KAZN: variants seen among roughly 807,000 people sequenced by gnomAD.
The protein encoded by KAZN is kazrin, periplakin interacting protein, also known as kazrin.
A neutral mutation model predicts 87.4 loss-of-function variants in KAZN; 40 were observed. The ratio of observed to expected loss-of-function variants is 0.46; its 90% CI spans 0.36 to 0.60. The LOEUF (loss-of-function observed/expected upper bound fraction) is 0.60, where lower values mean the gene tolerates loss of function less well. Ranked by LOEUF, KAZN falls within the 20% of genes least tolerant of loss-of-function variation. KAZN has a pLI of 0.00. For synonymous variants in KAZN, 466 were observed against 458.3 expected, an observed-to-expected ratio of 1.02 and a Z score of -0.22; for missense variants, 898 against 1,073.9, an observed-to-expected ratio of 0.84 and a Z score of 2.29.
intron 2 of KAZN, among the ~76,000 whole-genome samples, chr1:14,506,522 G>A (rs746484735): frequency 2.0e-5 from 3 of 152,162 alleles, no homozygotes; most frequent in Non-Finnish European, 4.4e-5. Flanking sequence ...CAGTTCTGCT[G>A]CGCACTCACC....
At chr1:14,079,589 C>A (rs1392813920) in intron 1 of KAZN, among the ~76,000 whole-genome samples, 1 of 152,304 alleles carries the variant, frequency 6.6e-6, no homozygotes, top group Admixed American at 6.5e-5. Flanking sequence ...AATACCAGTA[C>A]TAAAACCAGA....
intron 1 of KAZN, among the ~76,000 whole-genome samples, chr1:14,888,287 CT>C (rs918281557): frequency 6.6e-6 from 1 of 152,206 alleles, no homozygotes. Flanking sequence ...CCCTCACCTG[CT>C]TTTTCTTCCA....
chr1:14,655,336 GCATTGGGTTA>G (rs1261849055), intron 1 of KAZN, among the ~76,000 whole-genome samples: 3 of 152,198 alleles, frequency 2.0e-5, no homozygotes, highest in Non-Finnish European at 4.4e-5. Flanking sequence ...AAGTCCCATG[GCATTGGGTTA>G]CATTGTAACT....
chr1:14,173,991 C>A (rs1646013893), intron 1 of KAZN, among the ~76,000 whole-genome samples: 1 of 152,226 alleles, frequency 6.6e-6, no homozygotes, highest in Non-Finnish European at 1.5e-5. Context: ...GGGTGACCAG[C>A]ATTGAATATT....
At chr1:14,685,328 C>T (rs1456320048) in intron 1 of KAZN, among the ~76,000 whole-genome samples, 3 of 152,164 alleles carry the variant, frequency 2.0e-5, no homozygotes, top group Non-Finnish European at 2.9e-5. Flanking sequence ...TCCCATCAGT[C>T]GTTGGTATGG....
rs1016095493 is a variant in KAZN at position 14,586,528 on chromosome 1, T to G, written c.250-12455T>G. Among the ~76,000 whole-genome samples, 5 of 149,236 alleles carry G rather than the reference T, an allele frequency of 3.4e-5. No homozygotes were observed. The East Asian group carries it at 9.7e-4, about 29-fold the overall frequency. ...AGCATGAACTTTTTTCTTTCTGGTT[T>G]TTTTTTTTTTTTTTTTTAGAGATAG... On this transcript the variant is annotated intron_variant, in intron 2 of 16. Coordinates refer to the KAZN transcript ENST00000636203.
intron 1 of KAZN, among the ~76,000 whole-genome samples, chr1:14,043,592 T>G (rs918443638): frequency 6.9e-6 from 1 of 144,014 alleles, no homozygotes; most frequent in African/African-American, 2.7e-5. Flanking sequence ...CTATACCCTC[T>G]CCAACACTTG....
intron 1 of KAZN, among the ~76,000 whole-genome samples, chr1:14,673,345 A>G (rs1253538893): frequency 1.3e-5 from 2 of 152,210 alleles, no homozygotes; most frequent in African/African-American, 4.8e-5. Context: ...AGCTTCTTGG[A>G]CACCCAGGTG....
chr1:14,361,279 TC>T (rs931654713), intron 2 of KAZN, among the ~76,000 whole-genome samples: 7 of 152,184 alleles, frequency 4.6e-5, no homozygotes, highest in African/African-American at 1.7e-4. Flanking sequence ...CAGACGCCTC[TC>T]CCCACACCAA....
At chr1:14,805,353 GGCAGTTTCTTTAAAT>G (rs1646174415) in intron 1 of KAZN, among the ~76,000 whole-genome samples, 1 of 152,146 alleles carries the variant, frequency 6.6e-6, no homozygotes, top group Admixed American at 6.6e-5. Context: ...GGGAGGTAGA[GGCAGTTTCTTTAAAT>G]GATGTGATCT....
At position 14,084,643 on chromosome 1, in the gene KAZN, T is replaced by C. The variant is rs76353748; in HGVS notation, c.92-95792T>C. 2.7e-3 allele frequency among the ~76,000 whole-genome samples: 407 copies of C among 149,704 alleles called. 3 individuals are homozygous for C. Among genetic ancestry groups the C allele is most frequent in the African/African-American group, 9.5e-3 (386 of 40,590 alleles). ...GAACCATTTACTTCAATCTGTAACT[T>C]TAAAAAAAAAGTAAAACCTAATTGG... On this transcript the variant is annotated intron_variant, in intron 1 of 16. Coordinates refer to the KAZN transcript ENST00000636203.
rs549961572 is a variant in KAZN at position 14,302,549 on chromosome 1, G to A, written c.249+121957G>A. The stretch of plus-strand genomic sequence containing the variant: ...TTGTCTAACATTCAGGAAACTCTAA[G>A]AATAAAGGTTAGATTCCAGGTGTAA... On this transcript the variant is annotated intron_variant, in intron 2 of 16. Transcript: ENST00000636203. Among the ~76,000 whole-genome samples the A allele has an allele frequency of 1.1e-4, 17 of 152,318 alleles. No individual in the cohort carries two copies. The South Asian group carries it at 3.5e-3, about 32-fold the overall frequency.
rs116531644 is a variant in KAZN, at chr1:14,018,886, C to T, written c.91+125130C>T. Among the ~76,000 whole-genome samples the T allele has an allele frequency of 6.5e-3, 995 of 152,236 alleles. 9 individuals are homozygous for T. Among genetic ancestry groups the T allele is most frequent in the African/African-American group, 0.021 (881 of 41,542 alleles). ...CTGAGGCTTTAGGACTTGAATTGAG[C>T]CATGCTACCAGCATCCCACACTCCA... On this transcript the variant is annotated intron_variant, in intron 1 of 16. Transcript: ENST00000636203.
At chr1:14,430,336 G>C (rs1337869165) in intron 2 of KAZN, among the ~76,000 whole-genome samples, 1 of 151,696 alleles carries the variant, frequency 6.6e-6, no homozygotes, top group Non-Finnish European at 1.5e-5. Flanking sequence ...TGCTAGATGA[G>C]AAGTTCCTCC....
At chr1:14,580,917 C>T (rs890855056) in intron 2 of KAZN, among the ~76,000 whole-genome samples, 3 of 152,174 alleles carry the variant, frequency 2.0e-5, no homozygotes, top group Admixed American at 6.5e-5. Flanking sequence ...TTTCTCTCCA[C>T]GGCTTTCGGG....
At chr1:14,160,345 A>G (rs1200714778) in intron 1 of KAZN, among the ~76,000 whole-genome samples, 1 of 152,174 alleles carries the variant, frequency 6.6e-6, no homozygotes, top group East Asian at 1.9e-4. Flanking sequence ...CTGTTATAAA[A>G]GGGCAGCACT....
chr1:14,192,199 C>G lies in KAZN; in HGVS notation c.249+11607C>G, dbSNP rs545924485. ...GAAAAGAAACACTCTGTGGAGTAGG[C>G]AAGAAAATCCCCATTTCACTTCAAC... On this transcript the variant is annotated intron_variant, in intron 2 of 16. Coordinates refer to the KAZN transcript ENST00000636203. Among the ~76,000 whole-genome samples, 96 of 152,224 alleles carry G rather than the reference C, an allele frequency of 6.3e-4. 1 individual carries two copies. The Middle Eastern group carries it at 0.014, about 22-fold the overall frequency.
At chr1:14,457,825 T>TG (rs1491065153) in intron 2 of KAZN, among the ~76,000 whole-genome samples, 4 of 136,608 alleles carry the variant, frequency 2.9e-5, no homozygotes, top group South Asian at 2.2e-4. Context: ...TTTTGTTTTG[T>TG]TTTTTTTTTT....
chr1:14,898,783 CCCCAGCACCTAG>C (rs1219779317), intron 1 of KAZN, among the ~76,000 whole-genome samples: 1 of 152,144 alleles, frequency 6.6e-6, no homozygotes, highest in Admixed American at 6.5e-5. Context: ...GGACTTATCG[CCCCAGCACCTAG>C]CTCAGTGCAT....
Sources: gnomAD v4.1 joint callset for allele counts (sites outside exome capture counted in the v4.1 genomes callset) on GRCh38, gnomAD v4.1.1 for gene constraint, MANE v1.5 for transcripts, NCBI Gene and HGNC (gene_info 2026-07-23, HGNC 2026-07-21) for gene names.